ZMIZ1: variants seen among roughly 807,000 people sequenced by gnomAD.
ZMIZ1 encodes the protein zinc finger MIZ domain-containing protein 1.
Under a neutral mutation model 113.9 loss-of-function variants are expected in ZMIZ1, and 17 were observed. That is an observed-to-expected ratio of 0.15 (90% CI 0.10 to 0.22). ZMIZ1 has a LOEUF of 0.22. Among genes scored for constraint, ZMIZ1 ranks in the 10% least tolerant of loss-of-function variants. The pLI is 1.00. For synonymous variants in ZMIZ1, 607 were observed against 603.1 expected (o/e 1.01, Z -0.09); for missense variants, 1,059 against 1,477.8 (o/e 0.72, Z 4.65).
rs143974842 is a variant in ZMIZ1, at chr10:79,181,340, G to T, written c.-50+19207G>T. Among the ~76,000 whole-genome samples, 18 of 152,376 alleles carry T rather than the reference G, an allele frequency of 1.2e-4. No homozygotes were observed. The South Asian group carries it at 3.1e-3, about 26-fold the overall frequency. On this transcript the variant is annotated intron_variant, in intron 4 of 24. Coordinates refer to ENST00000334512, the MANE Select transcript of ZMIZ1 (RefSeq NM_020338.4). ...GCTGCCTGCTTCTGAGGAGGCTGGA[G>T]GTGAGCGGCTGGGCAGATGCAGTTG...
At chr10:79,294,517 C>G (rs1217640811) in intron 12 of ZMIZ1, 8 of 152,246 alleles carry the variant, frequency 5.3e-5, no homozygotes, top group Non-Finnish European at 1.0e-4. Flanking sequence ...CAATATGAGT[C>G]AGAGAAGGCA....
At chr10:79,233,992 G>A (rs1248014644) in intron 7 of ZMIZ1, among the ~76,000 whole-genome samples, 9 of 152,088 alleles carry the variant, frequency 5.9e-5, no homozygotes, top group African/African-American at 2.2e-4. Flanking sequence ...AACCCAGGCT[G>A]AGGGCAGCAA....
chr10:79,129,221 G>C (rs1844648360), intron 2 of ZMIZ1, among the ~76,000 whole-genome samples: 1 of 152,214 alleles, frequency 6.6e-6, no homozygotes, highest in African/African-American at 2.4e-5. Context: ...TCCAGATGAG[G>C]AAACTGAGAC....
rs12266812 is a variant in ZMIZ1, at chr10:79,136,203, T to C, written c.-226-3479T>C. On this transcript the variant is annotated intron_variant, in intron 2 of 24. Transcript: ENST00000334512. ...CACTCGTCTCCAGGCCACCTTTTCT[T>C]ATCTGTAAAATGAGAGAATTGGACA... Among the ~76,000 whole-genome samples, 923 of 152,260 alleles carry C rather than the reference T, an allele frequency of 6.1e-3. 12 individuals are homozygous for C. The highest frequency in any genetic ancestry group is 0.021 in the African/African-American group (875 of 41,536).
intron 7 of ZMIZ1, among the ~76,000 whole-genome samples, chr10:79,237,578 T>G (rs1215247940): frequency 1.3e-5 from 2 of 152,158 alleles, no homozygotes; most frequent in African/African-American, 4.8e-5. Context: ...GCAACATAAC[T>G]TCAGTCTTCA....
At chr10:79,300,699 G>C (rs1383243678) in intron 16 of ZMIZ1, 33 bp from the exon 17 acceptor site, 5 of 1,603,170 alleles carry the variant, frequency 3.1e-6, no homozygotes, top group Middle Eastern at 2.0e-4. Context: ...CCCCCTGGCA[G>C]AGCTGCCCTG....
chr10:79,259,339 C>CT lies in ZMIZ1; in HGVS notation c.281-17840dup, dbSNP rs377108966. On this transcript the variant is annotated intron_variant, in intron 7 of 24. Coordinates refer to ENST00000334512, the MANE Select transcript of ZMIZ1 (RefSeq NM_020338.4). ...TAGGGGAGGAGTGGGAGGGAGTCAC[C>CT]TTCTGCCTCTCCTGAGAAGCCTTCC... is the stretch of plus-strand genomic sequence containing the variant. Among the ~76,000 whole-genome samples the CT allele has an allele frequency of 1.7e-3, 252 of 152,210 alleles. 4 individuals carry two copies. Among genetic ancestry groups the CT allele is most frequent in the African/African-American group, 5.5e-3 (227 of 41,530 alleles).
chr10:79,252,191 C>T (rs769672008), intron 7 of ZMIZ1, among the ~76,000 whole-genome samples: 1 of 152,170 alleles, frequency 6.6e-6, no homozygotes, highest in Admixed American at 6.5e-5. Context: ...CCTGCAGGCT[C>T]CTGTACCCAC....
intron 7 of ZMIZ1, among the ~76,000 whole-genome samples, chr10:79,254,405 C>T (rs1850745925): frequency 6.6e-6 from 1 of 152,226 alleles, no homozygotes; most frequent in South Asian, 2.1e-4. Context: ...GAAGCAGAGT[C>T]AGGGTGCCCT....
chr10:79,200,821 C>A (rs1273546526), intron 4 of ZMIZ1, among the ~76,000 whole-genome samples: 1 of 142,488 alleles, frequency 7.0e-6, no homozygotes, highest in Non-Finnish European at 1.6e-5. Context: ...CACCTGAGAT[C>A]TCCACTCAGA....
chr10:79,123,091 G>A (rs551025238), intron 2 of ZMIZ1, among the ~76,000 whole-genome samples: 8 of 152,338 alleles, frequency 5.3e-5, no homozygotes, highest in Non-Finnish European at 8.8e-5. Context: ...CTGGGGCAGA[G>A]GTGAGAAGGC....
chr10:79,294,925 T>C (rs997268902), intron 12 of ZMIZ1: 1 of 98,258 alleles, frequency 1.0e-5, no homozygotes, highest in African/African-American at 4.0e-5. Context: ...GTATTCTGAG[T>C]TCAGGAGGGG....
intron 2 of ZMIZ1, among the ~76,000 whole-genome samples, chr10:79,126,829 A>G (rs112035247): frequency 6.6e-6 from 1 of 152,066 alleles, no homozygotes; most frequent in African/African-American, 2.4e-5. Flanking sequence ...GATGCTGGGG[A>G]TATGAGCTGA....
At chr10:79,199,116 A>G (rs1847962382) in intron 4 of ZMIZ1, among the ~76,000 whole-genome samples, 1 of 151,970 alleles carries the variant, frequency 6.6e-6, no homozygotes, top group African/African-American at 2.4e-5. Context: ...GCCTTGTCTG[A>G]GGGCTCAAGC....
rs748608550 is a variant in ZMIZ1 at position 79,100,437 on chromosome 10, G to GAA, written c.-336-18461_-336-18460dup. Among the ~76,000 whole-genome samples the GAA allele has an allele frequency of 5.9e-3, 649 of 110,688 alleles. 6 individuals carry two copies. The highest frequency in any genetic ancestry group is 0.016 in the African/African-American group (457 of 29,326). The allele number at this position is 110,688 out of a possible 152,430, so 72.6% of individuals were successfully genotyped here. On this transcript the variant is annotated intron_variant, in intron 1 of 24. Transcript: ENST00000334512. ...CCTGGGCAACATAGACACCATCTCT[G>GAA]AAAAAAAAAAAAAAAAAAGAGGGCA...
intron 1 of ZMIZ1, among the ~76,000 whole-genome samples, chr10:79,078,668 C>A (rs559835772): frequency 6.7e-6 from 1 of 148,494 alleles, no homozygotes; most frequent in African/African-American, 2.5e-5. Flanking sequence ...CCACATCCTC[C>A]TGAGTAGCTG....
At chr10:79,301,185 C>T (rs868116985) in intron 17 of ZMIZ1, among the ~76,000 whole-genome samples, 1 of 152,188 alleles carries the variant, frequency 6.6e-6, no homozygotes, top group East Asian at 1.9e-4. Flanking sequence ...TTCCCCTGGA[C>T]ACTCAGCCTC....
At chr10:79,150,818 G>A (rs965817173) in intron 3 of ZMIZ1, among the ~76,000 whole-genome samples, 3 of 152,146 alleles carry the variant, frequency 2.0e-5, no homozygotes, top group East Asian at 3.9e-4. Flanking sequence ...GCATGCCTCC[G>A]TCTCTCAGCT....
chr10:79,075,164 A>C (rs1402573276), intron 1 of ZMIZ1, among the ~76,000 whole-genome samples: 1 of 152,140 alleles, frequency 6.6e-6, no homozygotes, highest in Non-Finnish European at 1.5e-5. Context: ...GGTCTTGAGG[A>C]TGGGGGCTTG....
Sources: gnomAD v4.1 joint callset for allele counts (sites outside exome capture counted in the v4.1 genomes callset) on GRCh38, gnomAD v4.1.1 for gene constraint, MANE v1.5 for transcripts, NCBI Gene and HGNC (gene_info 2026-07-23, HGNC 2026-07-21) for gene names.